Variants in USP48 observed in about 807,000 individuals in gnomAD.
USP48 encodes ubiquitin specific peptidase 48.
Under a neutral mutation model 150.7 loss-of-function variants are expected in USP48, and 43 were observed. That is an observed-to-expected ratio of 0.29 (90% CI 0.22 to 0.37). The LOEUF is 0.37. Ranked by LOEUF, USP48 falls within the 10% of genes least tolerant of loss-of-function variation. The pLI, the probability that USP48 is intolerant of heterozygous loss-of-function variation, is 1.00. For missense variants in USP48, 813 were observed against 1,249.6 expected (o/e 0.65, Z 5.27); for synonymous variants, 396 against 425.9 (o/e 0.93, Z 0.86).
intron 8 of USP48, among the ~76,000 whole-genome samples, chr1:21,739,519 A>G (rs1391830917): frequency 3.4e-4 from 1 of 2,976 alleles, no homozygotes; most frequent in African/African-American, 1.0e-3. Flanking sequence ...ACTCCGTCTC[A>G]AAAAAAAAAA....
intron 1 of USP48, among the ~76,000 whole-genome samples, chr1:21,773,265 A>AG (rs750145884): frequency 6.9e-6 from 1 of 145,572 alleles, no homozygotes; most frequent in African/African-American, 2.4e-5. Context: ...AAAAAAAAAA[A>AG]AAAAAAAAAG....
chr1:21,732,495 T>C (rs964971162), intron 9 of USP48, among the ~76,000 whole-genome samples: 1 of 152,140 alleles, frequency 6.6e-6, no homozygotes, highest in Non-Finnish European at 1.5e-5. Flanking sequence ...CATTGAGATA[T>C]ATTTACAAAA....
In USP48 at chr1:21,773,700, C is replaced by T. The variant is rs187141720; in HGVS notation, c.134+9124G>A. On this transcript the variant is annotated intron_variant, in intron 1 of 26. Transcript: ENST00000308271. ...ATCAAAATTCTAAGCAGTCCCTTTA[C>T]CTCAGCAATTTCTCATCTAGCAACC... Among the ~76,000 whole-genome samples the T allele has an allele frequency of 1.4e-3, 214 of 152,278 alleles. 1 individual carries two copies. The highest frequency in any genetic ancestry group is 3.4e-3 in the Middle Eastern group (1 of 294).
At chr1:21,748,327 A>AT (rs2097800568) in intron 6 of USP48, 56 bp from the exon 7 acceptor site, 2 of 1,478,800 alleles carry the variant, frequency 1.4e-6, no homozygotes, top group Admixed American at 4.2e-5. Context: ...AAAACAAGTG[A>AT]TAAAACCCTT....
chr1:21,716,844 C>T (rs1274866419), intron 14 of USP48, among the ~76,000 whole-genome samples: 2 of 151,732 alleles, frequency 1.3e-5, no homozygotes, highest in African/African-American at 4.8e-5. Flanking sequence ...CTGGCTAACA[C>T]AGTGAAACCT....
chr1:21,714,791 T>C (rs1228792767), intron 15 of USP48, among the ~76,000 whole-genome samples: 1 of 152,240 alleles, frequency 6.6e-6, no homozygotes, highest in Non-Finnish European at 1.5e-5. Context: ...ATTTAGAATT[T>C]AGCTTTTTAA....
At chr1:21,696,065 A>G (rs1441483765) in intron 22 of USP48, among the ~76,000 whole-genome samples, 1 of 152,224 alleles carries the variant, frequency 6.6e-6, no homozygotes, top group Non-Finnish European at 1.5e-5. Flanking sequence ...AAATTAAAAT[A>G]AGTAACATAA....
In USP48 at chr1:21,758,185, AACAC is replaced by A. The variant is rs149088635; in HGVS notation, c.135-406_135-403del. Among the ~76,000 whole-genome samples the A allele has an allele frequency of 9.6e-3, 1,352 of 141,436 alleles. 13 individuals are homozygous for A. The highest frequency in any genetic ancestry group is 0.023 in the African/African-American group (893 of 38,188). 92.8% of individuals were successfully genotyped at this position (141,436 alleles called of 152,430 possible). On this transcript the variant is annotated intron_variant, in intron 1 of 26. Transcript: ENST00000308271. ...ATGGCAGAGTACTATGCAACTGTAA[AACAC>A]ACACACACACACACACACACACACA...
intron 1 of USP48, among the ~76,000 whole-genome samples, chr1:21,764,439 CAAA>C (rs112638976): frequency 9.2e-6 from 1 of 108,518 alleles, no homozygotes; most frequent in Non-Finnish European, 1.9e-5. Flanking sequence ...ACCCTGTCTC[CAAA>C]AAAAAAAAAA....
chr1:21,711,877 A>G (rs2097691119), intron 15 of USP48, among the ~76,000 whole-genome samples: 1 of 152,260 alleles, frequency 6.6e-6, no homozygotes, highest in Admixed American at 6.5e-5. Context: ...CGTCCAGAGC[A>G]CTACCACAAA....
chr1:21,725,948 C>T (rs2097735907), intron 11 of USP48, among the ~76,000 whole-genome samples: 1 of 152,094 alleles, frequency 6.6e-6, no homozygotes, highest in African/African-American at 2.4e-5. Flanking sequence ...TTTCTGAAAG[C>T]AAGATCAAAG....
intron 1 of USP48, among the ~76,000 whole-genome samples, chr1:21,762,448 G>A (rs2097852112): frequency 6.6e-6 from 1 of 152,104 alleles, no homozygotes; most frequent in African/African-American, 2.4e-5. Flanking sequence ...CAGTAACCAT[G>A]GTGAAAATAT....
chr1:21,714,074 A>G lies in USP48; in HGVS notation c.1963+1315T>C, dbSNP rs554657615. Among the ~76,000 whole-genome samples the G allele has an allele frequency of 7.2e-5, 11 of 152,328 alleles. No homozygotes were observed. The South Asian group carries it at 1.4e-3, about 20-fold the overall frequency. ...AAGGGCACTTCATATAAAAGTGCCAATGTGCATCAGGGATAAGAATGAGAC... is the reference window on the plus strand; with the variant it reads ...AAGGGCACTTCATATAAAAGTGCCAGTGTGCATCAGGGATAAGAATGAGAC... On this transcript the variant is annotated intron_variant, in intron 15 of 26. Coordinates refer to ENST00000308271, the MANE Select transcript of USP48 (RefSeq NM_032236.8).
intron 9 of USP48, among the ~76,000 whole-genome samples, chr1:21,732,243 C>T (rs1187460077): frequency 6.7e-6 from 1 of 150,174 alleles, no homozygotes; most frequent in Non-Finnish European, 1.5e-5. Context: ...AGCACCACTG[C>T]ACTCCAGCCT....
intron 14 of USP48, among the ~76,000 whole-genome samples, chr1:21,720,179 T>C (rs1165879220): frequency 6.6e-6 from 1 of 152,244 alleles, no homozygotes; most frequent in Non-Finnish European, 1.5e-5. Flanking sequence ...ACAAGCTCAT[T>C]TACTTGACAA....
At chr1:21,732,803 C>T (rs1285087784) in intron 9 of USP48, 1 of 177,920 alleles carries the variant, frequency 5.6e-6, no homozygotes, top group Non-Finnish European at 1.2e-5. Flanking sequence ...GGATATAAAA[C>T]CTCTATGGTA....
rs1438420672 is a variant in USP48, at chr1:21,706,858, G to A, written c.1974C>T (p.Cys658=). The A allele has an allele frequency of 1.2e-6, 2 of 1,605,516 alleles. No individual in the cohort carries two copies. Among genetic ancestry groups the A allele is most frequent in the African/African-American group, 1.4e-5 (1 of 73,762 alleles). Reference sequence around the variant, plus strand: ...CAAGCCTTCTTTCATTTTCAGATATGCATAACTCACCTGAGTTTAAAAAAA... The same window carrying A: ...CAAGCCTTCTTTCATTTTCAGATATACATAACTCACCTGAGTTTAAAAAAA... The part of the protein sequence containing the change: ...EDILCPHGEL[C]ISENERRLVS... The change falls in exon 16 of 27, where the codon TGC becomes TGT. Residue 658 remains cysteine, a synonymous_variant. Coordinates refer to ENST00000308271, the MANE Select transcript of USP48 (RefSeq NM_032236.8).
At chr1:21,765,075 A>G (rs1430447526) in intron 1 of USP48, among the ~76,000 whole-genome samples, 1 of 152,186 alleles carries the variant, frequency 6.6e-6, no homozygotes, top group African/African-American at 2.4e-5. Flanking sequence ...AATGACAACA[A>G]TGTTTTTGTT....
rs2097918668 is a variant in USP48 at position 21,783,081 on chromosome 1, G to C, written c.-124C>G. On this transcript the variant is annotated 5_prime_UTR_variant, in exon 1 of 27. Coordinates refer to ENST00000308271, the MANE Select transcript of USP48 (RefSeq NM_032236.8). ...GGACCTGGCGCTCCTTCAGGCAGCT[G>C]GCCAGTCAATCACCTGTGCGCGCCA... 3.0e-6 allele frequency: 4 copies of C among 1,347,108 alleles called. No homozygotes were observed. In the East Asian group the frequency reaches 1.2e-4, roughly 41 times the overall value. The allele number at this position is 1,347,108 out of a possible 1,614,324, so 83.4% of individuals were successfully genotyped here.
Sources: allele counts gnomAD v4.1 joint callset (sites outside exome capture counted in the v4.1 genomes callset), GRCh38; gene constraint gnomAD v4.1.1; transcripts MANE v1.5; gene names NCBI Gene and HGNC (gene_info 2026-07-23, HGNC 2026-07-21).